SUGCT: variants seen among roughly 807,000 people sequenced by gnomAD.
SUGCT encodes succinyl-CoA:glutarate-CoA transferase.
In SUGCT, 41 loss-of-function variants were observed where a neutral mutation model predicts 55.0. The observed-to-expected ratio is 0.74, with a 90% CI of 0.58 to 0.97. The LOEUF is 0.97. SUGCT is among the 50% of genes least tolerant of loss of function. The pLI is 0.00. For synonymous variants in SUGCT, 187 were observed against 200.4 expected, an observed-to-expected ratio of 0.93 and a Z score of 0.56; for missense variants, 568 against 547.8, an observed-to-expected ratio of 1.04 and a Z score of -0.37.
Position 40,496,321 on chromosome 7 carries a change from T to C in SUGCT, c.1024T>C (p.Phe342Leu), listed in dbSNP as rs1415325925. 2 of 1,613,206 alleles carry C rather than the reference T, an allele frequency of 1.2e-6. No homozygotes were observed. The highest frequency in any genetic ancestry group is 8.5e-7 in the Non-Finnish European group (1 of 1,179,478). The change falls in exon 12 of 14, where the codon TTT (phenylalanine) becomes CTT (leucine). Residue 342 changes from phenylalanine to leucine, a missense_variant. Physicochemically the swap from Phe to Leu is conservative, Grantham distance 22. Transcript: ENST00000335693. ...EELTSKWLYL[F>L]EGSGVPYGPI... ...ACTGACCAGCAAGTGGTTATATCTT[T>C]TTGAAGGCAGTGGAGTCCCGTATGG...
chr7:40,431,317 A>G lies in SUGCT; in HGVS notation c.817-17970A>G, dbSNP rs114668150. ...GGTCTGTGTGTCTGTTTTTAAGGCA[A>G]TATCTAGTGTTTTTACTACTATAGA... On this transcript the variant is annotated intron_variant, in intron 9 of 13. Coordinates refer to ENST00000335693, the MANE Select transcript of SUGCT (RefSeq NM_001193313.2). 3.8e-3 allele frequency among the ~76,000 whole-genome samples: 581 copies of G among 152,242 alleles called. 2 individuals carry two copies. Among genetic ancestry groups the G allele is most frequent in the Middle Eastern group, 0.017 (5 of 294 alleles).
intron 12 of SUGCT, among the ~76,000 whole-genome samples, chr7:40,520,458 G>T (rs745798652): frequency 6.6e-6 from 1 of 151,940 alleles, no homozygotes; most frequent in Non-Finnish European, 1.5e-5. Flanking sequence ...ATCTCCCAAG[G>T]TTATCTTAAC....
chr7:40,146,817 C>T (rs1452070353), intron 1 of SUGCT, among the ~76,000 whole-genome samples: 1 of 152,132 alleles, frequency 6.6e-6, no homozygotes, highest in Admixed American at 6.5e-5. Flanking sequence ...GGGCCTGTTC[C>T]CAACAGACAA....
chr7:40,854,395 TTTTCTTTCTTTCTTTCTTTCTTTCCTTTC>T lies in SUGCT; in HGVS notation c.1154-5896_1154-5868del, dbSNP rs200559089. Among the ~76,000 whole-genome samples, 385 of 124,352 alleles carry T rather than the reference TTTTCTTTCTTTCTTTCTTTCTTTCCTTTC, an allele frequency of 3.1e-3. 3 individuals are homozygous for T. Among genetic ancestry groups the T allele is most frequent in the African/African-American group, 7.8e-3 (272 of 34,674 alleles). The allele number at this position is 124,352 out of a possible 152,430, so 81.6% of individuals were successfully genotyped here. A position where few individuals can be genotyped will look rare whatever the true frequency, so the allele number is the denominator to read the frequency against. ...AGGTCCTTATTGTGTATCAAAATTT[TTTTCTTTCTTTCTTTCTTTCTTTCCTTTC>T]TTTCTTTCTTTCTTTCTTTCTTTCT... On this transcript the variant is annotated intron_variant, in intron 13 of 13. Coordinates refer to ENST00000335693, the MANE Select transcript of SUGCT (RefSeq NM_001193313.2).
intron 9 of SUGCT, among the ~76,000 whole-genome samples, chr7:40,337,241 A>C (rs996406040): frequency 1.3e-5 from 2 of 152,100 alleles, no homozygotes; most frequent in African/African-American, 4.8e-5. Flanking sequence ...TGGGATGGAG[A>C]GTTCTGTAGA....
At chr7:40,897,081 A>G in the SUGCT span, among the ~76,000 whole-genome samples, 3 of 152,238 alleles carry the variant, frequency 2.0e-5, no homozygotes, top group African/African-American at 7.2e-5. Flanking sequence ...ATTTTTGGCA[A>G]AGGTGCCAAG....
At chr7:40,475,570 C>A (rs1188935178) in intron 11 of SUGCT, among the ~76,000 whole-genome samples, 1 of 152,106 alleles carries the variant, frequency 6.6e-6, no homozygotes, top group African/African-American at 2.4e-5. Context: ...TTACTATTTC[C>A]TTTTCTAAAC....
chr7:40,218,805 G>A (rs1238715849), intron 6 of SUGCT, among the ~76,000 whole-genome samples: 1 of 152,170 alleles, frequency 6.6e-6, no homozygotes, highest in African/African-American at 2.4e-5. Flanking sequence ...TCAGCACTCT[G>A]TAAAAATGGA....
At chr7:40,435,162 T>C (rs1421881322) in intron 9 of SUGCT, among the ~76,000 whole-genome samples, 1 of 152,198 alleles carries the variant, frequency 6.6e-6, no homozygotes, top group Non-Finnish European at 1.5e-5. Context: ...AGGCTGACCC[T>C]CTATGCTTCA....
Position 40,698,308 on chromosome 7 carries a change from A to C in SUGCT, c.1090-51126A>C, listed in dbSNP as rs1785027434. On this transcript the variant is annotated intron_variant, in intron 12 of 13. Transcript: ENST00000335693. Reference sequence around the variant, plus strand: ...GAGGGTGAGGCCAGAAGAGGTAGGCAGGGCCAGACTTAGTGGCCCAAAGTG... The same window carrying C: ...GAGGGTGAGGCCAGAAGAGGTAGGCCGGGCCAGACTTAGTGGCCCAAAGTG... 2.6e-5 allele frequency among the ~76,000 whole-genome samples: 4 copies of C among 152,230 alleles called. No homozygotes were observed. In the South Asian group the frequency reaches 8.3e-4, roughly 32 times the overall value.
At chr7:40,941,450 C>G in the SUGCT span, among the ~76,000 whole-genome samples, 2 of 151,882 alleles carry the variant, frequency 1.3e-5, no homozygotes, top group Non-Finnish European at 2.9e-5. Flanking sequence ...AGGATTTTGA[C>G]TTAAAAAAAT....
At chr7:40,400,914 G>T (rs1786027503) in intron 9 of SUGCT, among the ~76,000 whole-genome samples, 1 of 152,082 alleles carries the variant, frequency 6.6e-6, no homozygotes, top group Middle Eastern at 3.2e-3. Context: ...TTACTTGAAT[G>T]GTTTTGAACA....
chr7:40,245,423 A>ATATATTTTTTTTTTTTTTTTTTTTT (rs1344678220), intron 7 of SUGCT, among the ~76,000 whole-genome samples: 1 of 54,604 alleles, frequency 1.8e-5, no homozygotes, highest in Non-Finnish European at 3.3e-5. Context: ...ATATATATAT[A>ATATATTTTTTTTTTTTTTTTTTTTT]TTTTTTTTTT....
chr7:40,913,987 A>G, the SUGCT span, among the ~76,000 whole-genome samples: 2 of 152,238 alleles, frequency 1.3e-5, no homozygotes, highest in Non-Finnish European at 2.9e-5. Context: ...TTGCAGAACA[A>G]TAATCCTATC....
At chr7:40,408,276 T>G (rs1286291816) in intron 9 of SUGCT, among the ~76,000 whole-genome samples, 1 of 152,194 alleles carries the variant, frequency 6.6e-6, no homozygotes, top group Non-Finnish European at 1.5e-5. Flanking sequence ...CTAGAGATAC[T>G]CATCTATATT....
intron 10 of SUGCT, among the ~76,000 whole-genome samples, chr7:40,457,712 C>A (rs1789567250): frequency 6.6e-6 from 1 of 152,136 alleles, no homozygotes; most frequent in Non-Finnish European, 1.5e-5. Flanking sequence ...AAAAAGAGTT[C>A]CAGTAAGTCA....
intron 9 of SUGCT, among the ~76,000 whole-genome samples, chr7:40,339,096 G>A (rs1020447753): frequency 6.6e-6 from 1 of 152,168 alleles, no homozygotes; most frequent in African/African-American, 2.4e-5. Flanking sequence ...CTGCCTGATT[G>A]TTCCTCTGGA....
At chr7:40,479,124 C>T (rs1362265364) in intron 11 of SUGCT, among the ~76,000 whole-genome samples, 1 of 151,960 alleles carries the variant, frequency 6.6e-6, no homozygotes, top group Non-Finnish European at 1.5e-5. Context: ...ATCCATTTAT[C>T]CACTGATGGA....
intron 13 of SUGCT, among the ~76,000 whole-genome samples, chr7:40,795,471 T>C (rs1198682830): frequency 6.6e-6 from 1 of 152,130 alleles, no homozygotes; most frequent in Non-Finnish European, 1.5e-5. Context: ...CCAGAAGTTC[T>C]TCAAAATAAA....
Sources: allele counts gnomAD v4.1 joint callset (sites outside exome capture counted in the v4.1 genomes callset), GRCh38; gene constraint gnomAD v4.1.1; transcripts MANE v1.5; gene names NCBI Gene and HGNC (gene_info 2026-07-23, HGNC 2026-07-21).